ERBB4: variants seen among roughly 807,000 people sequenced by gnomAD.
ERBB4 encodes the protein receptor tyrosine-protein kinase erbB-4.
Under a neutral mutation model 158.0 loss-of-function variants are expected in ERBB4, and 42 were observed. That is an observed-to-expected ratio of 0.27 (90% CI 0.21 to 0.34). ERBB4 has a LOEUF of 0.34. ERBB4 is among the 10% of genes least tolerant of loss of function. The pLI is 1.00. For synonymous variants in ERBB4, 583 were observed against 558.7 expected (o/e 1.04, Z -0.61); for missense variants, 1,333 against 1,624.1 (o/e 0.82, Z 3.08).
At chr2:212,314,419 G>A (rs868648517) in intron 1 of ERBB4, among the ~76,000 whole-genome samples, 1 of 149,478 alleles carries the variant, frequency 6.7e-6, no homozygotes, top group Non-Finnish European at 1.5e-5. Flanking sequence ...ATCAAAGTCT[G>A]TGGTATTACA....
intron 5 of ERBB4, among the ~76,000 whole-genome samples, chr2:211,726,223 G>C (rs2074262143): frequency 6.6e-6 from 1 of 152,046 alleles, no homozygotes; most frequent in Non-Finnish European, 1.5e-5. Flanking sequence ...ATAAACATTA[G>C]CATTCCCCAG....
chr2:212,346,171 G>GA (rs1392674442), intron 1 of ERBB4, among the ~76,000 whole-genome samples: 46 of 152,050 alleles, frequency 3.0e-4, no homozygotes, highest in Non-Finnish European at 1.2e-4. Flanking sequence ...TCACAGCCAA[G>GA]AATACCAGAG....
intron 4 of ERBB4, among the ~76,000 whole-genome samples, chr2:211,755,554 T>C (rs62183025): frequency 0.022 from 3,293 of 152,302 alleles, 67 homozygotes; most frequent in African/African-American, 0.054. Flanking sequence ...TTCTGGTTAC[T>C]CCCCATCACC....
At chr2:212,088,958 G>A (rs1306519676) in intron 2 of ERBB4, among the ~76,000 whole-genome samples, 1 of 151,932 alleles carries the variant, frequency 6.6e-6, no homozygotes, top group African/African-American at 2.4e-5. Flanking sequence ...AAAAGATGAG[G>A]GGGACCTGAA....
rs1236701118 is a variant in ERBB4 at position 211,701,861 on chromosome 2, A to G, written c.1489+106T>C. 9 of 833,360 alleles carry G rather than the reference A, an allele frequency of 1.1e-5. No homozygotes were observed. The East Asian group carries it at 1.2e-4, about 11-fold the overall frequency. The allele number at this position is 833,360 out of a possible 1,614,324, so 51.6% of individuals were successfully genotyped here. ...ACCTTCCTTTTTAAGGGTTGGGATA[A>G]CAGAGCAACAATTCTGACCGGATGT... is the stretch of plus-strand genomic sequence containing the variant. On this transcript the variant is annotated intron_variant, in intron 12 of 27. Transcript: ENST00000342788.
chr2:211,403,746 C>G (rs567526180), intron 25 of ERBB4, among the ~76,000 whole-genome samples: 7 of 152,248 alleles, frequency 4.6e-5, no homozygotes, highest in African/African-American at 1.7e-4. Flanking sequence ...TTTCCTTTCT[C>G]TGACTCAATC....
chr2:211,944,506 A>T (rs1436913081), intron 3 of ERBB4, among the ~76,000 whole-genome samples: 1 of 151,576 alleles, frequency 6.6e-6, no homozygotes, highest in Non-Finnish European at 1.5e-5. Flanking sequence ...CCAGGATCCC[A>T]GTGTATTATT....
intron 20 of ERBB4, among the ~76,000 whole-genome samples, chr2:211,452,351 T>C (rs1360407804): frequency 6.6e-6 from 1 of 152,142 alleles, no homozygotes; most frequent in East Asian, 1.9e-4. Flanking sequence ...CTAATTTTTG[T>C]ATTTTTAGTA....
chr2:211,701,857 G>C, intron 12 of ERBB4, 110 bp downstream of exon 12: 1 of 793,828 alleles, frequency 1.3e-6, no homozygotes, highest in Admixed American at 1.9e-5. Context: ...TAAGGGTTGG[G>C]ATAACAGAGC....
At chr2:212,382,902 T>C (rs371588499) in intron 1 of ERBB4, among the ~76,000 whole-genome samples, 2 of 151,466 alleles carry the variant, frequency 1.3e-5, no homozygotes, top group African/African-American at 2.4e-5. Context: ...GGACTTGGTA[T>C]CTTACTTACA....
chr2:212,438,552 A>G (rs73062369), intron 1 of ERBB4, among the ~76,000 whole-genome samples: 9,591 of 152,156 alleles, frequency 0.063, 1,033 homozygotes, highest in African/African-American at 0.22. Context: ...GAATGAGTAA[A>G]TAATTATGAA....
At chr2:211,765,467 GACCATGTTTTGTTTCTT>G (rs1285595396) in intron 4 of ERBB4, among the ~76,000 whole-genome samples, 1 of 152,024 alleles carries the variant, frequency 6.6e-6, no homozygotes, top group African/African-American at 2.4e-5. Context: ...CTATTGATAA[GACCATGTTTTGTTTCTT>G]ATCCCTCAGG....
intron 2 of ERBB4, among the ~76,000 whole-genome samples, chr2:211,966,032 G>C (rs2081301269): frequency 6.6e-6 from 1 of 152,066 alleles, no homozygotes; most frequent in East Asian, 1.9e-4. Context: ...GGTAACTCAG[G>C]GAGACCCTCT....
intron 3 of ERBB4, among the ~76,000 whole-genome samples, chr2:211,841,174 C>G (rs1251600080): frequency 6.6e-6 from 1 of 151,954 alleles, no homozygotes; most frequent in Non-Finnish European, 1.5e-5. Context: ...CTTATAATTT[C>G]AAGGCTGGAA....
At chr2:211,821,353 G>A (rs2076991538) in intron 3 of ERBB4, among the ~76,000 whole-genome samples, 1 of 151,738 alleles carries the variant, frequency 6.6e-6, no homozygotes, top group African/African-American at 2.4e-5. Context: ...ACAAAACACT[G>A]ATGAAATAAA....
chr2:211,665,725 G>A (rs1270756855), intron 14 of ERBB4, among the ~76,000 whole-genome samples: 1 of 152,160 alleles, frequency 6.6e-6, no homozygotes, highest in Non-Finnish European at 1.5e-5. Flanking sequence ...ATTTGTGCTT[G>A]AAATATTTTC....
At chr2:212,262,159 G>A (rs368404013) in intron 1 of ERBB4, among the ~76,000 whole-genome samples, 2 of 152,178 alleles carry the variant, frequency 1.3e-5, no homozygotes, top group South Asian at 2.1e-4. Context: ...TTTCTATAGG[G>A]AGAATAGGAA....
At chr2:212,523,176 C>T (rs7564590) in intron 1 of ERBB4, among the ~76,000 whole-genome samples, 62,273 of 151,634 alleles carry the variant, frequency 0.41, 14,790 homozygotes, top group African/African-American at 0.67. Context: ...TGTAATTACG[C>T]CAGGCATGCA....
intron 2 of ERBB4, among the ~76,000 whole-genome samples, chr2:212,066,433 A>C (rs533610180): frequency 6.6e-6 from 1 of 152,176 alleles, no homozygotes; most frequent in East Asian, 1.9e-4. Flanking sequence ...CAAAAGAGAA[A>C]TATTGGGCTA....
Sources: gnomAD v4.1 joint callset for allele counts (sites outside exome capture counted in the v4.1 genomes callset) on GRCh38, gnomAD v4.1.1 for gene constraint, MANE v1.5 for transcripts, NCBI Gene and HGNC (gene_info 2026-07-23, HGNC 2026-07-21) for gene names.